THSD7B: variants seen among roughly 807,000 people sequenced by gnomAD.
The protein encoded by THSD7B is thrombospondin type-1 domain-containing protein 7B.
In THSD7B, 138 loss-of-function variants were observed where a neutral mutation model predicts 213.6. The ratio of observed to expected loss-of-function variants is 0.65; its 90% CI spans 0.56 to 0.74. The LOEUF (loss-of-function observed/expected upper bound fraction) is 0.74, where lower values mean the gene tolerates loss of function less well. Ranked by LOEUF, THSD7B falls within the 30% of genes least tolerant of loss-of-function variation. The pLI is 0.00. For synonymous variants in THSD7B, 742 were observed against 687.0 expected, an observed-to-expected ratio of 1.08 and a Z score of -1.25; for missense variants, 1,931 against 1,991.5, an observed-to-expected ratio of 0.97 and a Z score of 0.58.
chr2:137,444,055 G>C (rs1309708027), intron 14 of THSD7B, among the ~76,000 whole-genome samples: 1 of 151,918 alleles, frequency 6.6e-6, no homozygotes, highest in Non-Finnish European at 1.5e-5. Context: ...ATTTTCTACT[G>C]GTAGACAGTA....
chr2:136,927,062 C>A (rs62172342), intron 2 of THSD7B, among the ~76,000 whole-genome samples: 15,490 of 152,040 alleles, frequency 0.1, 1,025 homozygotes, highest in East Asian at 0.16. Context: ...TTTTGTACAC[C>A]AAAAAGACCT....
intron 7 of THSD7B, among the ~76,000 whole-genome samples, chr2:137,211,342 A>ACC (rs1681102290): frequency 1.7e-5 from 2 of 115,646 alleles, no homozygotes; most frequent in Non-Finnish European, 1.9e-5. Context: ...ACACACACAC[A>ACC]CACACACACA....
At chr2:137,663,166 C>CA (rs528900533) in intron 25 of THSD7B, among the ~76,000 whole-genome samples, 73 of 151,742 alleles carry the variant, frequency 4.8e-4, no homozygotes, top group African/African-American at 1.4e-3. Flanking sequence ...GAATTGTAAA[C>CA]ACATTTGAAA....
At chr2:136,975,629 G>A (rs574394712) in intron 2 of THSD7B, among the ~76,000 whole-genome samples, 7 of 152,082 alleles carry the variant, frequency 4.6e-5, no homozygotes, top group Admixed American at 3.9e-4. Context: ...TGATGCCTCT[G>A]GCTTTGTTCT....
At chr2:136,936,780 A>G (rs549260775) in intron 2 of THSD7B, among the ~76,000 whole-genome samples, 2 of 152,254 alleles carry the variant, frequency 1.3e-5, no homozygotes, top group Admixed American at 1.3e-4. Context: ...GAGCTTACTC[A>G]TGTAACCAAA....
chr2:137,672,505 G>C (rs565662416), intron 27 of THSD7B, among the ~76,000 whole-genome samples: 1 of 152,258 alleles, frequency 6.6e-6, no homozygotes, highest in East Asian at 1.9e-4. Context: ...GGTAAAGTAA[G>C]CTGTTGACCT....
chr2:137,173,007 C>T, intron 7 of THSD7B, among the ~76,000 whole-genome samples: 1 of 152,078 alleles, frequency 6.6e-6, no homozygotes. Context: ...TAGGTTGTCT[C>T]AGGAAATTTA....
At chr2:137,237,522 A>C (rs1401675689) in intron 9 of THSD7B, among the ~76,000 whole-genome samples, 1 of 152,338 alleles carries the variant, frequency 6.6e-6, no homozygotes, top group Admixed American at 6.5e-5. Flanking sequence ...GGCACGATAC[A>C]AAATGGAATT....
At chr2:136,945,199 G>C (rs890149444) in intron 2 of THSD7B, among the ~76,000 whole-genome samples, 1 of 152,214 alleles carries the variant, frequency 6.6e-6, no homozygotes, top group Non-Finnish European at 1.5e-5. Flanking sequence ...TTCTCCTGAA[G>C]AATGTTGAAT....
At chr2:137,040,577 T>A (rs1031418525) in intron 2 of THSD7B, among the ~76,000 whole-genome samples, 1 of 152,208 alleles carries the variant, frequency 6.6e-6, no homozygotes, top group African/African-American at 2.4e-5. Flanking sequence ...GTATTTTTAG[T>A]AGAGACGGAG....
chr2:137,591,900 T>A (rs1681873055), intron 17 of THSD7B, among the ~76,000 whole-genome samples: 1 of 151,880 alleles, frequency 6.6e-6, no homozygotes, highest in Admixed American at 6.6e-5. Flanking sequence ...TTCTTTGTGT[T>A]TTTAAAATAT....
intron 2 of THSD7B, among the ~76,000 whole-genome samples, chr2:136,987,079 G>A (rs534875040): frequency 3.9e-4 from 60 of 152,282 alleles, no homozygotes; most frequent in African/African-American, 1.3e-3. Flanking sequence ...TTACTGAAAG[G>A]TAGTTATCAG....
At chr2:136,943,751 C>A (rs6726234) in intron 2 of THSD7B, among the ~76,000 whole-genome samples, 11,239 of 151,634 alleles carry the variant, frequency 0.074, 666 homozygotes, top group African/African-American at 0.16. Flanking sequence ...TTTTTATTGC[C>A]TCTATTTGAT....
chr2:137,551,703 A>G (rs1450162161), intron 15 of THSD7B, among the ~76,000 whole-genome samples: 1 of 152,224 alleles, frequency 6.6e-6, no homozygotes, highest in Admixed American at 6.6e-5. Context: ...ATCAAAATTG[A>G]GAACACATAA....
At chr2:137,093,780 CTTTAAG>C (rs139055880) in intron 3 of THSD7B, among the ~76,000 whole-genome samples, 16,175 of 151,844 alleles carry the variant, frequency 0.11, 866 homozygotes, top group African/African-American at 0.14. Flanking sequence ...TATTAGTATA[CTTTAAG>C]TTTTAGGGTA....
intron 17 of THSD7B, among the ~76,000 whole-genome samples, chr2:137,600,318 C>A (rs1682052260): frequency 6.6e-6 from 1 of 152,124 alleles, no homozygotes; most frequent in African/African-American, 2.4e-5. Flanking sequence ...TAATGACTAA[C>A]CACATGTATG....
intron 17 of THSD7B, among the ~76,000 whole-genome samples, chr2:137,577,760 A>G (rs966336297): frequency 6.6e-6 from 1 of 152,150 alleles, no homozygotes; most frequent in Non-Finnish European, 1.5e-5. Flanking sequence ...ATTAATGACA[A>G]CAACTACACC....
chr2:136,810,166 C>T (rs1193945020), intron 1 of THSD7B, among the ~76,000 whole-genome samples: 3 of 152,142 alleles, frequency 2.0e-5, no homozygotes, highest in Admixed American at 6.5e-5. Flanking sequence ...TGTGCTGTCA[C>T]GTGCTGCTGC....
At chr2:137,507,179 A>T (rs1679855611) in intron 15 of THSD7B, among the ~76,000 whole-genome samples, 1 of 152,172 alleles carries the variant, frequency 6.6e-6, no homozygotes, top group South Asian at 2.1e-4. Flanking sequence ...TAGCAATGGG[A>T]GAGAAATTAC....
Sources: gnomAD v4.1 joint callset for allele counts (sites outside exome capture counted in the v4.1 genomes callset) on GRCh38, gnomAD v4.1.1 for gene constraint, MANE v1.5 for transcripts, NCBI Gene and HGNC (gene_info 2026-07-23, HGNC 2026-07-21) for gene names.